The following NRF1 variants were observed in gnomAD, a reference collection of about 807,000 sequenced individuals.
NRF1 encodes nuclear respiratory factor 1.
NRF1 carries 5 observed loss-of-function variants against 58.5 expected under a neutral mutation model. The ratio of observed to expected loss-of-function variants is 0.09; its 90% CI spans 0.04 to 0.18. NRF1 has a LOEUF of 0.18. NRF1 is among the 10% of genes least tolerant of loss of function. The pLI is 1.00. For missense variants in NRF1, 288 were observed against 657.7 expected (o/e 0.44, Z 6.15); for synonymous variants, 224 against 246.7 (o/e 0.91, Z 0.86).
intron 4 of NRF1, among the ~76,000 whole-genome samples, chr7:129,679,980 CCCAGGAGGCAGAGG>C (rs1265865195): frequency 6.4e-4 from 97 of 151,842 alleles, no homozygotes; most frequent in African/African-American, 2.2e-3. Context: ...ATCTCTTGAA[CCCAGGAGGCAGAGG>C]TTGCAGTGAG....
intron 2 of NRF1, 24 bp downstream of exon 2, chr7:129,657,598 T>A: frequency 2.8e-6 from 4 of 1,446,814 alleles, no homozygotes; most frequent in South Asian, 1.3e-5. Flanking sequence ...GATTAGAAGC[T>A]CTTCTTTAAT....
At chr7:129,612,410 G>A (rs1478221781) in intron 1 of NRF1, among the ~76,000 whole-genome samples, 2 of 152,210 alleles carry the variant, frequency 1.3e-5, no homozygotes, top group Non-Finnish European at 2.9e-5. Flanking sequence ...CTCCTGCCGG[G>A]GTGGCGTGGG....
At chr7:129,715,959 C>T (rs1290770193) in intron 8 of NRF1, among the ~76,000 whole-genome samples, 2 of 151,532 alleles carry the variant, frequency 1.3e-5, no homozygotes, top group Non-Finnish European at 2.9e-5. Flanking sequence ...GAGCCGAGAT[C>T]GCGCCACTGC....
At chr7:129,671,169 A>T (rs1359728486) in intron 2 of NRF1, among the ~76,000 whole-genome samples, 3 of 152,202 alleles carry the variant, frequency 2.0e-5, no homozygotes, top group African/African-American at 4.8e-5. Context: ...AAACAACATT[A>T]TACAAAATTC....
intron 10 of NRF1, among the ~76,000 whole-genome samples, chr7:129,734,270 A>T (rs1803654029): frequency 6.6e-6 from 1 of 152,228 alleles, no homozygotes; most frequent in Non-Finnish European, 1.5e-5. Flanking sequence ...GATTTAACAC[A>T]TAGGGAAGCT....
intron 2 of NRF1, among the ~76,000 whole-genome samples, chr7:129,663,335 C>T (rs529572701): frequency 1.5e-4 from 23 of 151,932 alleles, no homozygotes; most frequent in African/African-American, 3.6e-4. Flanking sequence ...ACTTCCCAGA[C>T]GGGGTGGCCG....
chr7:129,667,794 G>A (rs1211085441), intron 2 of NRF1, among the ~76,000 whole-genome samples: 1 of 149,110 alleles, frequency 6.7e-6, no homozygotes, highest in Admixed American at 6.7e-5. Flanking sequence ...TTAGAGATAG[G>A]ATCTTACTCT....
chr7:129,700,283 G>A (rs773173938), intron 5 of NRF1, among the ~76,000 whole-genome samples: 1 of 152,076 alleles, frequency 6.6e-6, no homozygotes, highest in Non-Finnish European at 1.5e-5. Context: ...TTTGAAAAGG[G>A]CTGGATAAAA....
At chr7:129,629,708 G>A (rs1033881679) in intron 1 of NRF1, among the ~76,000 whole-genome samples, 1 of 152,116 alleles carries the variant, frequency 6.6e-6, no homozygotes, top group Non-Finnish European at 1.5e-5. Flanking sequence ...ATAACTCTGG[G>A]GAGAAGAGTT....
intron 5 of NRF1, among the ~76,000 whole-genome samples, chr7:129,706,873 ACT>A (rs2116181947): frequency 6.6e-6 from 1 of 151,964 alleles, no homozygotes; most frequent in Admixed American, 6.6e-5. Flanking sequence ...ATCTGAGCAG[ACT>A]CTGTCAGTCT....
intron 4 of NRF1, among the ~76,000 whole-genome samples, chr7:129,683,310 T>A (rs569719903): frequency 0.023 from 3,277 of 143,050 alleles, 124 homozygotes; most frequent in African/African-American, 0.08. Context: ...TGTGTGTGTG[T>A]GTGTGTGTGT....
At chr7:129,675,824 C>T (rs1345722056) in intron 3 of NRF1, among the ~76,000 whole-genome samples, 1 of 152,172 alleles carries the variant, frequency 6.6e-6, no homozygotes, top group Admixed American at 6.5e-5. Context: ...AAGTCACTAG[C>T]TGCATTAGCC....
chr7:129,754,112 T>C (rs180913264), intron 10 of NRF1, among the ~76,000 whole-genome samples: 30 of 152,274 alleles, frequency 2.0e-4, no homozygotes, highest in Admixed American at 1.0e-3. Context: ...GGCCCTACCC[T>C]AAGGCATGTT....
intron 8 of NRF1, among the ~76,000 whole-genome samples, chr7:129,711,910 A>G (rs748527936): frequency 1.3e-5 from 2 of 152,218 alleles, no homozygotes; most frequent in Non-Finnish European, 2.9e-5. Context: ...ATGAAAAAAA[A>G]ATGTCACATT....
chr7:129,621,744 T>G (rs565084502), intron 1 of NRF1, among the ~76,000 whole-genome samples: 1 of 152,160 alleles, frequency 6.6e-6, no homozygotes, highest in Non-Finnish European at 1.5e-5. Flanking sequence ...CTTCTTTAAT[T>G]TTTGGCTCTA....
At chr7:129,734,945 T>C (rs1803671253) in intron 10 of NRF1, 4 of 531,180 alleles carry the variant, frequency 7.5e-6, no homozygotes, top group Non-Finnish European at 9.6e-6. Flanking sequence ...TCTAACAAAG[T>C]TGAGACCAAG....
chr7:129,708,197 G>A (rs1470334553), intron 5 of NRF1, among the ~76,000 whole-genome samples: 4 of 152,178 alleles, frequency 2.6e-5, no homozygotes, highest in Admixed American at 2.6e-4. Flanking sequence ...CTGGGAAGGA[G>A]GAATAGATCA....
At position 129,615,795 on chromosome 7, in the gene NRF1, T is replaced by G. The variant is rs183304939; in HGVS notation, c.-7+3971T>G. On this transcript the variant is annotated intron_variant, in intron 1 of 10. Transcript: ENST00000393232. ...ATTACCCACTTTCTTGGGTTTTCAG[T>G]TAGTACTTTTATCCATCAGTTTTCT... Among the ~76,000 whole-genome samples, 17 of 152,330 alleles carry G rather than the reference T, an allele frequency of 1.1e-4. No homozygotes were observed. The East Asian group carries it at 2.9e-3, about 26-fold the overall frequency.
intron 10 of NRF1, among the ~76,000 whole-genome samples, chr7:129,729,603 C>T (rs1276431883): frequency 1.3e-5 from 2 of 152,244 alleles, no homozygotes; most frequent in Non-Finnish European, 2.9e-5. Flanking sequence ...ATCATTTCAT[C>T]TGCCCTTGGG....
Sources: allele counts gnomAD v4.1 joint callset (sites outside exome capture counted in the v4.1 genomes callset), GRCh38; gene constraint gnomAD v4.1.1; transcripts MANE v1.5; gene names NCBI Gene and HGNC (gene_info 2026-07-23, HGNC 2026-07-21).